Variants in MSL1 observed in about 807,000 individuals in gnomAD.
The protein encoded by MSL1 is MSL complex subunit 1, also known as male-specific lethal 1 homolog.
MSL1 carries 21 observed loss-of-function variants against 64.6 expected under a neutral mutation model. The ratio of observed to expected loss-of-function variants is 0.33; its 90% CI spans 0.23 to 0.47. The LOEUF (loss-of-function observed/expected upper bound fraction) is 0.47, where lower values mean the gene tolerates loss of function less well. Ranked by LOEUF, MSL1 falls within the 20% of genes least tolerant of loss-of-function variation. The probability of loss-of-function intolerance (pLI) is 1.00; values close to 1 mark genes in which losing one functional copy is unlikely to be tolerated. For synonymous variants in MSL1, 339 were observed against 329.6 expected (o/e 1.03, Z -0.31); for missense variants, 664 against 793.2 (o/e 0.84, Z 1.96).
Position 40,122,665 on chromosome 17 carries a change from A to G in MSL1, c.53A>G (p.Asn18Ser), listed in dbSNP as rs899719499. Residue 18 changes from asparagine to serine, a missense_variant, in exon 1 of 9, where the codon AAT (asparagine) becomes AGT (serine). Physicochemically the swap from Asn to Ser is conservative, Grantham distance 46. Coordinates refer to ENST00000398532, the MANE Select transcript of MSL1 (RefSeq NM_001365919.1). The surrounding 1 kb of genome is among the most constrained non-coding windows in gnomAD (Gnocchi z 4.2). ...GCGGCCGCGGCCCCTGCCGGCGGCA[A>G]TCCTGAGCAGCGACTGGACTACGAG... is the stretch of plus-strand genomic sequence containing the variant. ...FKAAAAPAGG[N>S]PEQRLDYERA... The G allele has an allele frequency of 1.1e-5, 16 of 1,492,652 alleles. No individual in the cohort carries two copies. Among genetic ancestry groups the G allele is most frequent in the Middle Eastern group, 1.8e-4 (1 of 5,430 alleles). 92.5% of individuals were successfully genotyped at this position (1,492,652 alleles called of 1,614,324 possible).
chr17:40,134,253 T>C, intron 8 of MSL1, 26 bp from the exon 9 acceptor site: 1 of 1,547,630 alleles, frequency 6.5e-7, no homozygotes, highest in Non-Finnish European at 8.7e-7. Context: ...GTCTTGCAAG[T>C]TGATTTCCTC....
chr17:40,129,211 T>C, intron 2 of MSL1, 34 bp from the exon 3 acceptor site: 1 of 1,467,720 alleles, frequency 6.8e-7, no homozygotes, highest in Non-Finnish European at 9.1e-7. Context: ...CAAGTGTCAA[T>C]AAATTTTATA....
intron 2 of MSL1, among the ~76,000 whole-genome samples, chr17:40,127,812 T>C (rs1269635741): frequency 6.6e-6 from 1 of 152,202 alleles, no homozygotes; most frequent in Non-Finnish European, 1.5e-5. Flanking sequence ...TGTGAAACTT[T>C]AAGTAGAAAT....
At chr17:40,128,369 CTTTTTT>C (rs145183199) in intron 2 of MSL1, among the ~76,000 whole-genome samples, 56 of 112,706 alleles carry the variant, frequency 5.0e-4, no homozygotes, top group Non-Finnish European at 7.7e-4. Context: ...CTTGAATATT[CTTTTTT>C]TTTTTTTTTT....
At chr17:40,128,771 G>T (rs981550435) in intron 2 of MSL1, among the ~76,000 whole-genome samples, 3 of 151,900 alleles carry the variant, frequency 2.0e-5, no homozygotes, top group African/African-American at 7.3e-5. Flanking sequence ...AGCACTTTGG[G>T]AGGCCTAGGT....
At position 40,126,103 on chromosome 17, in the gene MSL1, C is replaced by T. The variant is rs28376556; in HGVS notation, c.769-80C>T. ...CCATAGAAAGAGGCAGAAGACTATA[C>T]TGATTCCTAAATGGGGCTAAGTATC... On this transcript the variant is annotated intron_variant, in intron 1 of 8. Transcript: ENST00000398532. 1,728 of 1,281,624 alleles carry T rather than the reference C, an allele frequency of 1.3e-3. 22 individuals carry two copies. The African/African-American group carries it at 0.022, about 16-fold the overall frequency. The allele number at this position is 1,281,624 out of a possible 1,614,324, so 79.4% of individuals were successfully genotyped here.
rs2145123561 is a variant in MSL1, at chr17:40,122,465, G to A, written c.-148G>A. 1 of 511,068 alleles carries A rather than the reference G, an allele frequency of 2.0e-6. No individual in the cohort carries two copies. The highest frequency in any genetic ancestry group is 2.0e-5 in the African/African-American group (1 of 49,998). 31.7% of individuals were successfully genotyped at this position (511,068 alleles called of 1,614,324 possible). ...CCGGCGGGATGGCGCCCGGGCCCCGGAGGAGCCGCGCTAGCGGAGGCCTGC... is the reference window on the plus strand; with the variant it reads ...CCGGCGGGATGGCGCCCGGGCCCCGAAGGAGCCGCGCTAGCGGAGGCCTGC... On this transcript the variant is annotated 5_prime_UTR_variant, in exon 1 of 9. Transcript: ENST00000398532. This position sits in a 1 kb window ranked among gnomAD's most constrained non-coding sequence, Gnocchi z 4.2.
chr17:40,128,818 C>G (rs1387077139), intron 2 of MSL1, among the ~76,000 whole-genome samples: 8 of 151,852 alleles, frequency 5.3e-5, no homozygotes, highest in Non-Finnish European at 1.5e-5. Context: ...TGAGACCAGT[C>G]TGACCAATAT....
At position 40,131,488 on chromosome 17, in the gene MSL1, CT is replaced by C. The variant is rs751639266; in HGVS notation, c.1376-42del. ...TCCTTTCCTCCATTTGGGGTATGGGCTTTTTTTCTTTTTACACTGAGATTAT... is the reference window on the plus strand; with the variant it reads ...TCCTTTCCTCCATTTGGGGTATGGGCTTTTTTCTTTTTACACTGAGATTAT... On this transcript the variant is annotated intron_variant, in intron 3 of 8. Coordinates refer to ENST00000398532, the MANE Select transcript of MSL1 (RefSeq NM_001365919.1). The surrounding 1 kb of genome is among the most constrained non-coding windows in gnomAD (Gnocchi z 4.5). 1 of 1,562,356 alleles carries C rather than the reference CT, an allele frequency of 6.4e-7. No individual in the cohort carries two copies. The highest frequency in any genetic ancestry group is 8.8e-7 in the Non-Finnish European group (1 of 1,134,178).
At position 40,123,324 on chromosome 17, in the gene MSL1, C is replaced by T; in HGVS notation, c.712C>T (p.Gln238Ter). The change falls in exon 1 of 9, where the codon CAG becomes TAG. Residue 238 changes from glutamine (Q) to a stop codon, truncating the protein, a stop_gained. Coordinates refer to ENST00000398532, the MANE Select transcript of MSL1 (RefSeq NM_001365919.1). LOFTEE classifies it high-confidence loss of function. Reference protein sequence around the residue: ...LQLDLIEQQQQQLQAKEKEIE... With the variant: ...LQLDLIEQQQ ...ATTGGACCTCATCGAACAGCAGCAGCAGCAGCTGCAGGCCAAGGAAAAGGA... is the reference window on the plus strand; with the variant it reads ...ATTGGACCTCATCGAACAGCAGCAGTAGCAGCTGCAGGCCAAGGAAAAGGA... 1 of 1,536,346 alleles carries T rather than the reference C, an allele frequency of 6.5e-7. No individual in the cohort carries two copies. Among genetic ancestry groups the T allele is most frequent in the Non-Finnish European group, 8.7e-7 (1 of 1,146,908 alleles).
chr17:40,130,670 C>G (rs1391200963), intron 3 of MSL1, among the ~76,000 whole-genome samples: 1 of 152,176 alleles, frequency 6.6e-6, no homozygotes, highest in Non-Finnish European at 1.5e-5. Flanking sequence ...GATTAGTCGT[C>G]TTAATGATCT....
In MSL1 at chr17:40,122,390, C is replaced by A. The variant is rs1988196299; in HGVS notation, c.-223C>A. 6.3e-6 allele frequency: 2 copies of A among 315,026 alleles called. No homozygotes were observed. Among genetic ancestry groups the A allele is most frequent in the East Asian group, 5.2e-5 (1 of 19,402 alleles). 19.5% of individuals were successfully genotyped at this position (315,026 alleles called of 1,614,324 possible). A position where few individuals can be genotyped will look rare whatever the true frequency, so the allele number is the denominator to read the frequency against. ...GCGGCAGCAGAGGCGGCGGCGAGGC[C>A]CCCATGGGCCGGCGGCGGGCCTCAG... On this transcript the variant is annotated 5_prime_UTR_variant, in exon 1 of 9. Transcript: ENST00000398532. The surrounding 1 kb of genome is among the most constrained non-coding windows in gnomAD (Gnocchi z 4.2).
chr17:40,126,295 C>G lies in MSL1; in HGVS notation c.881C>G (p.Thr294Arg). Residue 294 changes from threonine (T) to arginine (R), a missense_variant, in exon 2 of 9, where the codon ACA becomes AGA. Thr to Arg is a moderately conservative substitution (Grantham distance 71, BLOSUM62 -1). Transcript: ENST00000398532. The part of the protein sequence containing the change: ...QGYETEEREE[T>R]ELSEKIKLEC... ...TATGAAACTGAAGAGAGAGAGGAAA[C>G]AGAGCTATCTGAGAAAATTAAACTG... is the stretch of plus-strand genomic sequence containing the variant. 3 of 1,613,980 alleles carry G rather than the reference C, an allele frequency of 1.9e-6. No homozygotes were observed. The highest frequency in any genetic ancestry group is 2.2e-5 in the South Asian group (2 of 91,082).
rs1988393320 is a variant in MSL1 at position 40,129,406 on chromosome 17, A to C, written c.1154A>C (p.Glu385Ala). The C allele has an allele frequency of 1.2e-6, 2 of 1,613,652 alleles. No homozygotes were observed. Among genetic ancestry groups the C allele is most frequent in the Non-Finnish European group, 1.7e-6 (2 of 1,179,804 alleles). ...TGTAAACGTGAATTGAGGAGCCAAGAAACCCCAGAAAAGCCCCGGTCTTCA... is the reference window on the plus strand; with the variant it reads ...TGTAAACGTGAATTGAGGAGCCAAGCAACCCCAGAAAAGCCCCGGTCTTCA... ...TVCKRELRSQ[E>A]TPEKPRSSVD... Residue 385 changes from glutamate (E) to alanine (A), a missense_variant, in exon 3 of 9, where the codon GAA (glutamate) becomes GCA (alanine). Glu to Ala is a moderately radical substitution (Grantham distance 107). Transcript: ENST00000398532.
chr17:40,134,391 C>T lies in MSL1; in HGVS notation c.*22C>T. ...ATAGCTGTGCTGGCAAGAACCCTGT[C>T]TTCAGATAGTTGTAGCATGCCATTC... On this transcript the variant is annotated 3_prime_UTR_variant, in exon 9 of 9. Coordinates refer to ENST00000398532, the MANE Select transcript of MSL1 (RefSeq NM_001365919.1). 1 of 1,546,146 alleles carries T rather than the reference C, an allele frequency of 6.5e-7. No homozygotes were observed. The highest frequency in any genetic ancestry group is 8.8e-7 in the Non-Finnish European group (1 of 1,141,634).
In MSL1 at chr17:40,122,527, C is replaced by T. The variant is rs867732149; in HGVS notation, c.-86C>T. 7.0e-4 allele frequency: 394 copies of T among 563,678 alleles called. 1 individual carries two copies. Among genetic ancestry groups the T allele is most frequent in the South Asian group, 2.4e-3 (75 of 30,966 alleles). The allele number at this position is 563,678 out of a possible 1,614,324, so 34.9% of individuals were successfully genotyped here. A position where few individuals can be genotyped will look rare whatever the true frequency, so the allele number is the denominator to read the frequency against. The stretch of plus-strand genomic sequence containing the variant: ...TGAGGCGAGCCCGCCAAACTCCCCT[C>T]CCCCCCCTCAGTCCTCGACCCCCCG... On this transcript the variant is annotated 5_prime_UTR_variant, in exon 1 of 9. Coordinates refer to ENST00000398532, the MANE Select transcript of MSL1 (RefSeq NM_001365919.1). The surrounding 1 kb of genome is among the most constrained non-coding windows in gnomAD (Gnocchi z 4.2).
Position 40,126,168 on chromosome 17 carries a change from T to A in MSL1, c.769-15T>A, listed in dbSNP as rs772652038. The A allele has an allele frequency of 8.7e-6, 14 of 1,612,202 alleles. No homozygotes were observed. The African/African-American group carries it at 1.9e-4, about 22-fold the overall frequency. ...TTTATGTGTTAAGTCTGCATTTTGC[T>A]ACTCTCTCTTTTAGCTCCTTGCTCG... On this transcript the variant is annotated splice_polypyrimidine_tract_variant and intron_variant, in intron 1 of 8. Transcript: ENST00000398532.
Position 40,123,508 on chromosome 17 carries a change from T to C in MSL1, c.768+128T>C. 4.9e-6 allele frequency: 4 copies of C among 823,164 alleles called. No individual in the cohort carries two copies. In the East Asian group the frequency reaches 1.1e-4, roughly 23 times the overall value. The allele number at this position is 823,164 out of a possible 1,614,324, so 51.0% of individuals were successfully genotyped here. A position where few individuals can be genotyped will look rare whatever the true frequency, so the allele number is the denominator to read the frequency against. ...AGGAGGTTGGCCACCGGCAAAGGAG[T>C]ATCTTAGGCGCTGGGTCTCTGGGAG... On this transcript the variant is annotated intron_variant, in intron 1 of 8. Transcript: ENST00000398532.
At chr17:40,133,486 A>G (rs749218949) in intron 6 of MSL1, 48 bp from the exon 7 acceptor site, 4 of 1,575,402 alleles carry the variant, frequency 2.5e-6, no homozygotes, top group Non-Finnish European at 3.4e-6. Flanking sequence ...GGTTTTGGGT[A>G]AACAGTAATG....
Sources: allele counts gnomAD v4.1 joint callset (sites outside exome capture counted in the v4.1 genomes callset), GRCh38; gene constraint gnomAD v4.1.1; non-coding constraint Gnocchi (gnomAD v3.1); transcripts MANE v1.5; gene names NCBI Gene and HGNC (gene_info 2026-07-23, HGNC 2026-07-21).